The following EPB41L1 variants were observed in gnomAD, a reference collection of about 807,000 sequenced individuals.
EPB41L1 encodes erythrocyte membrane protein band 4.1 like 1, also known as band 4.1-like protein 1.
In EPB41L1, 29 loss-of-function variants were observed where a neutral mutation model predicts 97.8. The ratio of observed to expected loss-of-function variants is 0.30; its 90% confidence interval spans 0.22 to 0.40. The LOEUF (loss-of-function observed/expected upper bound fraction) is 0.40. Ranked by LOEUF, EPB41L1 falls within the 10% of genes least tolerant of loss-of-function variation. EPB41L1 has a pLI of 1.00. For synonymous variants in EPB41L1, 383 were observed against 459.2 expected (o/e 0.83, Z 2.12); for missense variants, 812 against 1,162.3 (o/e 0.70, Z 4.38).
chr20:36,165,685 C>T (rs562835245), intron 1 of EPB41L1, among the ~76,000 whole-genome samples: 4 of 152,226 alleles, frequency 2.6e-5, no homozygotes, highest in East Asian at 1.9e-4. Flanking sequence ...GGCGACAGAG[C>T]GAGAATCCAT....
At chr20:36,116,606 C>A (rs2058592333) in intron 2 of EPB41L1, among the ~76,000 whole-genome samples, 3 of 152,192 alleles carry the variant, frequency 2.0e-5, no homozygotes, top group Non-Finnish European at 4.4e-5. Flanking sequence ...CGGGGATCAG[C>A]ACTTTCTCCA....
chr20:36,208,880 G>C (rs564314585), intron 14 of EPB41L1, among the ~76,000 whole-genome samples: 1 of 152,124 alleles, frequency 6.6e-6, no homozygotes, highest in Non-Finnish European at 1.5e-5. Flanking sequence ...TGGAGCTGGC[G>C]TAGCACTCAG....
intron 2 of EPB41L1, among the ~76,000 whole-genome samples, chr20:36,137,005 A>AGATGATGT (rs1160849680): frequency 6.6e-6 from 1 of 151,592 alleles, no homozygotes; most frequent in Admixed American, 6.6e-5. Context: ...CATCCTCCCA[A>AGATGATGT]GTAGCTGGGA....
At chr20:36,155,355 T>C in intron 1 of EPB41L1, 1 of 360,996 alleles carries the variant, frequency 2.8e-6, no homozygotes, top group Non-Finnish European at 5.5e-6. Flanking sequence ...TGGGCTTGCC[T>C]CCCCTTCCGT....
chr20:36,103,852 G>A (rs564614146), intron 1 of EPB41L1, among the ~76,000 whole-genome samples: 2 of 151,910 alleles, frequency 1.3e-5, no homozygotes, highest in Middle Eastern at 6.8e-3. Context: ...ACAGGCGCCC[G>A]CCACCATGCC....
At chr20:36,192,531 CAAAAAAAAAA>C (rs57675036) in intron 11 of EPB41L1, among the ~76,000 whole-genome samples, 1 of 46,422 alleles carries the variant, frequency 2.2e-5, no homozygotes, top group Non-Finnish European at 4.9e-5. Flanking sequence ...GACTCCGTCT[CAAAAAAAAAA>C]AAAAAAAAAA....
intron 2 of EPB41L1, among the ~76,000 whole-genome samples, chr20:36,131,550 C>T (rs2059210667): frequency 6.6e-6 from 1 of 152,140 alleles, no homozygotes; most frequent in South Asian, 2.1e-4. Context: ...GGGTTCAAAC[C>T]AGCCTCCCCT....
At chr20:36,200,646 T>C (rs1393643116) in intron 14 of EPB41L1, among the ~76,000 whole-genome samples, 3 of 152,118 alleles carry the variant, frequency 2.0e-5, no homozygotes, top group African/African-American at 7.2e-5. Flanking sequence ...CTCCCTCCCT[T>C]AAGTGGCTCA....
intron 1 of EPB41L1, among the ~76,000 whole-genome samples, chr20:36,168,313 T>C (rs2060824308): frequency 6.6e-6 from 1 of 152,152 alleles, no homozygotes; most frequent in Non-Finnish European, 1.5e-5. Context: ...GGCTGACCTT[T>C]CTCTTTTCTA....
intron 2 of EPB41L1, among the ~76,000 whole-genome samples, chr20:36,117,675 G>A (rs1208338180): frequency 1.5e-5 from 2 of 135,034 alleles, no homozygotes; most frequent in South Asian, 4.5e-4. Flanking sequence ...ACAGAGCAGG[G>A]CTAGAAGATA....
chr20:36,163,390 T>C (rs2060610986), intron 1 of EPB41L1, among the ~76,000 whole-genome samples: 2 of 152,208 alleles, frequency 1.3e-5, no homozygotes, highest in Non-Finnish European at 2.9e-5. Context: ...GTGAGGTATG[T>C]AAGTTTATCA....
chr20:36,182,463 C>T (rs907041213), intron 6 of EPB41L1, 116 bp downstream of exon 6: 50 of 1,113,484 alleles, frequency 4.5e-5, no homozygotes, highest in Admixed American at 2.8e-4. Context: ...AGTCGCCTAC[C>T]GAGGTCAGGC....
intron 16 of EPB41L1, 21 bp from the exon 17 acceptor site, chr20:36,214,336 A>C: frequency 6.2e-7 from 1 of 1,610,118 alleles, no homozygotes; most frequent in South Asian, 1.1e-5. Flanking sequence ...CCCCAGCTCT[A>C]ACGACTCCTC....
chr20:36,094,159 A>G (rs1271827855), intron 1 of EPB41L1, among the ~76,000 whole-genome samples: 1 of 152,204 alleles, frequency 6.6e-6, no homozygotes, highest in East Asian at 1.9e-4. Flanking sequence ...TATAGTGAAC[A>G]GTGAAAATGT....
chr20:36,211,623 G>T (rs758298682), intron 15 of EPB41L1, among the ~76,000 whole-genome samples: 30 of 152,166 alleles, frequency 2.0e-4, no homozygotes, highest in Admixed American at 4.6e-4. Flanking sequence ...GGAGGCTGAG[G>T]CAGGTGGATC....
chr20:36,141,013 G>A (rs969333203), intron 2 of EPB41L1, among the ~76,000 whole-genome samples: 3 of 152,236 alleles, frequency 2.0e-5, no homozygotes, highest in Non-Finnish European at 2.9e-5. Flanking sequence ...CCCAGATGGG[G>A]TTTTGTGGGA....
intron 15 of EPB41L1, among the ~76,000 whole-genome samples, chr20:36,210,465 A>G (rs537937812): frequency 6.6e-6 from 1 of 151,994 alleles, no homozygotes; most frequent in African/African-American, 2.4e-5. Flanking sequence ...GGATTTCTCT[A>G]AGGCACGCCT....
intron 21 of EPB41L1, among the ~76,000 whole-genome samples, chr20:36,223,893 G>A (rs947029105): frequency 1.3e-5 from 2 of 151,910 alleles, no homozygotes; most frequent in African/African-American, 4.8e-5. Context: ...CTACCACAAT[G>A]AAAAAAAATC....
At chr20:36,183,507 G>T (rs1025683676) in intron 6 of EPB41L1, among the ~76,000 whole-genome samples, 2 of 152,320 alleles carry the variant, frequency 1.3e-5, no homozygotes, top group African/African-American at 4.8e-5. Context: ...GGTTAGGCCA[G>T]CACAGCCTCA....
Sources: gnomAD v4.1 joint callset for allele counts (sites outside exome capture counted in the v4.1 genomes callset) on GRCh38, gnomAD v4.1.1 for gene constraint, MANE v1.5 for transcripts, NCBI Gene and HGNC (gene_info 2026-07-23, HGNC 2026-07-21) for gene names.